Variants in SLC24A1 observed in about 807,000 individuals in gnomAD.
SLC24A1 encodes the protein solute carrier family 24 member 1.
SLC24A1 carries 52 observed loss-of-function variants against 88.1 expected under a neutral mutation model. The observed-to-expected ratio is 0.59, with a 90% CI of 0.47 to 0.74. SLC24A1 has a LOEUF of 0.74. Among genes scored for constraint, SLC24A1 ranks in the 30% least tolerant of loss-of-function variants. The probability of loss-of-function intolerance (pLI) is 0.00; values close to 1 mark genes in which losing one functional copy is unlikely to be tolerated. For synonymous variants in SLC24A1, 455 were observed against 498.0 expected (o/e 0.91, Z 1.15); for missense variants, 1,173 against 1,363.3 (o/e 0.86, Z 2.20).
rs35366838 is a variant in SLC24A1 at position 65,625,568 on chromosome 15, C to T, written c.1488C>T (p.Gly496=). The T allele has an allele frequency of 1.7e-3, 2,722 of 1,611,202 alleles. 37 individuals carry two copies. The African/African-American group carries it at 0.031, about 18-fold the overall frequency. The change falls in exon 2 of 10, where the codon GGC becomes GGT. Residue 496 remains glycine, a synonymous_variant. Coordinates refer to ENST00000261892, the MANE Select transcript of SLC24A1 (RefSeq NM_004727.3). ...DKLQISEDVA[G]ATFMAAGGSA... ...TGCAGATCTCCGAGGATGTGGCAGG[C>T]GCCACATTCATGGCTGCTGGAGGCT...
rs775470702 is a variant in SLC24A1 at position 65,644,414 on chromosome 15, GTC to G, written c.2054-10_2054-9del. 6.4e-7 allele frequency: 1 copy of G among 1,557,992 alleles called. No individual in the cohort carries two copies. The highest frequency in any genetic ancestry group is 1.8e-5 in the Admixed American group (1 of 54,088). The stretch of plus-strand genomic sequence containing the variant: ...CAATTCCAGGTAAGATGTATGTCCT[GTC>G]TCATTTGCAGTTCGCCTTGCCAAGG... On this transcript the variant is annotated splice_polypyrimidine_tract_variant and intron_variant, in intron 4 of 9. Transcript: ENST00000261892.
At chr15:65,626,185 A>G (rs1016498904) in intron 2 of SLC24A1, among the ~76,000 whole-genome samples, 2 of 152,218 alleles carry the variant, frequency 1.3e-5, no homozygotes, top group Non-Finnish European at 1.5e-5. Flanking sequence ...TAATCACCCT[A>G]TAAACTGGTT....
intron 6 of SLC24A1, 115 bp downstream of exon 6, chr15:65,645,818 G>A: frequency 2.9e-6 from 2 of 678,228 alleles, no homozygotes; most frequent in Non-Finnish European, 5.1e-6. Context: ...ATTCCTCTGG[G>A]GGTAAATATT....
intron 2 of SLC24A1, among the ~76,000 whole-genome samples, chr15:65,635,774 C>T (rs2074913015): frequency 6.6e-6 from 1 of 152,230 alleles, no homozygotes; most frequent in Admixed American, 6.5e-5. Flanking sequence ...GCTTCCTTGC[C>T]CATCACAGCA....
Position 65,650,302 on chromosome 15 carries a change from C to A in SLC24A1, c.2233-80C>A. ...TTCAGATACCTTCTGAGAAGCACGC[C>A]AACAAAAAAATGGGGGAGTAACATA... On this transcript the variant is annotated intron_variant, in intron 6 of 9. Coordinates refer to ENST00000261892, the MANE Select transcript of SLC24A1 (RefSeq NM_004727.3). This position sits in a 1 kb window ranked among gnomAD's most constrained non-coding sequence, Gnocchi z 4.1. 2 of 1,233,280 alleles carry A rather than the reference C, an allele frequency of 1.6e-6. No individual in the cohort carries two copies. The highest frequency in any genetic ancestry group is 1.1e-6 in the Non-Finnish European group (1 of 888,000). 76.4% of individuals were successfully genotyped at this position (1,233,280 alleles called of 1,614,324 possible). A position where few individuals can be genotyped will look rare whatever the true frequency, so the allele number is the denominator to read the frequency against.
chr15:65,626,030 C>T (rs913562595), intron 2 of SLC24A1, 60 bp downstream of exon 2: 1 of 1,262,898 alleles, frequency 7.9e-7, no homozygotes. Context: ...TGTGGCGAAG[C>T]CAGGACCTGA....
chr15:65,651,528 G>C (rs1020459059), intron 7 of SLC24A1, 142 bp from the exon 8 acceptor site: 14 of 624,028 alleles, frequency 2.2e-5, no homozygotes, highest in Non-Finnish European at 3.3e-5. Flanking sequence ...CCTGGAGAGA[G>C]AGCTCTCAGG....
chr15:65,639,789 C>T, intron 4 of SLC24A1, 86 bp downstream of exon 4: 2 of 861,262 alleles, frequency 2.3e-6, no homozygotes, highest in Non-Finnish European at 1.9e-6. Context: ...ACCTGAAAAT[C>T]CTAGAGGCAG....
At chr15:65,611,382 G>T (rs1009392097), upstream of SLC24A1, 7 of 599,030 alleles carry the variant, frequency 1.2e-5, no homozygotes, top group East Asian at 2.8e-5. Flanking sequence ...GCCTTGGCTG[G>T]GTTTCCTGCC....
At chr15:65,622,817 C>G (rs1475387942) in intron 1 of SLC24A1, among the ~76,000 whole-genome samples, 1 of 151,842 alleles carries the variant, frequency 6.6e-6, no homozygotes, top group Non-Finnish European at 1.5e-5. Flanking sequence ...TCTCAACTCA[C>G]TGCAACCTCT....
Position 65,624,247 on chromosome 15 carries a change from C to T in SLC24A1, c.167C>T (p.Ser56Phe), listed in dbSNP as rs1322495326. 2 of 1,613,770 alleles carry T rather than the reference C, an allele frequency of 1.2e-6. No individual in the cohort carries two copies. Among genetic ancestry groups the T allele is most frequent in the East Asian group, 2.2e-5 (1 of 44,886 alleles). ...TCCTCATTGTGGGCAGCAGTCTCTTCTCATCAGCCTATAAAACTGGCCAGT... is the reference window on the plus strand; with the variant it reads ...TCCTCATTGTGGGCAGCAGTCTCTTTTCATCAGCCTATAAAACTGGCCAGT... ...GLSSLWAAVS[S>F]HQPIKLASRD... is the part of the protein sequence containing the mutation. Residue 56 changes from serine (S) to phenylalanine (F), a missense_variant, in exon 2 of 10, where the codon TCT (serine) becomes TTT (phenylalanine). Ser to Phe is a radical substitution (Grantham distance 155). Coordinates refer to ENST00000261892, the MANE Select transcript of SLC24A1 (RefSeq NM_004727.3).
chr15:65,642,959 TCGGA>T, intron 4 of SLC24A1: 1 of 1,280,974 alleles, frequency 7.8e-7, no homozygotes, highest in South Asian at 1.2e-5. Context: ...TCCTTCTAAC[TCGGA>T]CCCTCTGGGA....
downstream of SLC24A1, among the ~76,000 whole-genome samples, chr15:65,657,091 G>A (rs897011351): frequency 1.3e-5 from 2 of 151,922 alleles, no homozygotes; most frequent in African/African-American, 4.8e-5. Flanking sequence ...GGCTGATCTC[G>A]AACTCCTGAG....
At chr15:65,657,488 C>A (rs2075722532), downstream of SLC24A1, among the ~76,000 whole-genome samples, 1 of 151,672 alleles carries the variant, frequency 6.6e-6, no homozygotes, top group East Asian at 1.9e-4. Flanking sequence ...AAAAAAATAC[C>A]AAAAATTAGC....
upstream of SLC24A1, chr15:65,619,085 A>G (rs2074238030): frequency 6.6e-6 from 1 of 152,266 alleles, no homozygotes; most frequent in South Asian, 2.1e-4. Context: ...TTAATCCTAT[A>G]AACAATATAA....
At chr15:65,649,380 G>A (rs979470368) in intron 6 of SLC24A1, among the ~76,000 whole-genome samples, 1 of 152,164 alleles carries the variant, frequency 6.6e-6, no homozygotes, top group African/African-American at 2.4e-5. Context: ...TTACAGGCAT[G>A]AGCCACCGTG....
intron 2 of SLC24A1, among the ~76,000 whole-genome samples, chr15:65,632,211 T>G (rs1490068437): frequency 6.6e-6 from 1 of 152,160 alleles, no homozygotes; most frequent in Admixed American, 6.5e-5. Flanking sequence ...ATTGTAGGTG[T>G]GCAAGAGTGG....
intron 2 of SLC24A1, among the ~76,000 whole-genome samples, chr15:65,636,734 GAT>G (rs1315440988): frequency 2.6e-5 from 4 of 151,962 alleles, no homozygotes; most frequent in Non-Finnish European, 5.9e-5. Context: ...AATTTAGCCG[GAT>G]ATGGTGGCAA....
chr15:65,611,408 G>T (rs776690960), exon 1 of SLC24A1: 59 of 579,324 alleles, frequency 1.0e-4, no homozygotes, highest in Admixed American at 2.1e-4. Flanking sequence ...TCTCTGCATT[G>T]CCCTGAATCT....
Sources: allele counts gnomAD v4.1 joint callset (sites outside exome capture counted in the v4.1 genomes callset), GRCh38; gene constraint gnomAD v4.1.1; non-coding constraint Gnocchi (gnomAD v3.1); transcripts MANE v1.5; gene names NCBI Gene and HGNC (gene_info 2026-07-23, HGNC 2026-07-21).